PREX1: variants seen among roughly 807,000 people sequenced by gnomAD.
PREX1 encodes the protein phosphatidylinositol-3,4,5-trisphosphate dependent Rac exchange factor 1.
A neutral mutation model predicts 198.3 loss-of-function variants in PREX1; 41 were observed. The ratio of observed to expected loss-of-function variants is 0.21; its 90% CI spans 0.16 to 0.27. The LOEUF is 0.27. PREX1 is among the 10% of genes least tolerant of loss of function. The pLI is 1.00. For synonymous variants in PREX1, 843 were observed against 887.2 expected (o/e 0.95, Z 0.89); for missense variants, 1,620 against 2,200.7 (o/e 0.74, Z 5.28).
At chr20:48,634,858 AG>A (rs2089350062) in intron 32 of PREX1, 83 bp from the exon 33 acceptor site, 1 of 1,226,554 alleles carries the variant, frequency 8.2e-7, no homozygotes, top group Admixed American at 1.8e-5. Flanking sequence ...ATTCAACTCT[AG>A]TCGGCACTCC....
intron 1 of PREX1, among the ~76,000 whole-genome samples, chr20:48,803,984 G>A (rs1213442950): frequency 6.6e-6 from 1 of 152,202 alleles, no homozygotes; most frequent in African/African-American, 2.4e-5. Flanking sequence ...TGATACAGCT[G>A]TTACAGCACC....
intron 1 of PREX1, among the ~76,000 whole-genome samples, chr20:48,812,290 G>A (rs2090439704): frequency 6.6e-6 from 1 of 151,052 alleles, no homozygotes; most frequent in Non-Finnish European, 1.5e-5. Flanking sequence ...TAACATAAGA[G>A]GAATGGGTAA....
chr20:48,700,315 G>A (rs893031244), intron 7 of PREX1, among the ~76,000 whole-genome samples: 9 of 152,268 alleles, frequency 5.9e-5, no homozygotes, highest in East Asian at 3.9e-4. Context: ...TGGTAGCCAC[G>A]AGCCACAGGT....
intron 3 of PREX1, among the ~76,000 whole-genome samples, chr20:48,741,013 T>A (rs1022785593): frequency 7.0e-6 from 1 of 143,690 alleles, no homozygotes; most frequent in South Asian, 2.3e-4. Context: ...AGTGAATCAA[T>A]TTTTTTTTTT....
At chr20:48,694,861 A>C (rs1262646057) in intron 7 of PREX1, among the ~76,000 whole-genome samples, 1 of 151,710 alleles carries the variant, frequency 6.6e-6, no homozygotes, top group Non-Finnish European at 1.5e-5. Flanking sequence ...GTTTCAAGAG[A>C]CTCCCTGTGT....
rs6095297 is a variant in PREX1, at chr20:48,792,115, A to G, written c.219+35527T>C. On this transcript the variant is annotated intron_variant, in intron 1 of 39. Coordinates refer to ENST00000371941, the MANE Select transcript of PREX1 (RefSeq NM_020820.4). ...GTCTGGCACCCAGCAAGCACTCAATAAATGTTAAATAGCACTGCTGTCTCC... is the reference window on the plus strand; with the variant it reads ...GTCTGGCACCCAGCAAGCACTCAATGAATGTTAAATAGCACTGCTGTCTCC... 4.0e-3 allele frequency among the ~76,000 whole-genome samples: 605 copies of G among 152,280 alleles called. 2 individuals are homozygous for G. The highest frequency in any genetic ancestry group is 0.017 in the Middle Eastern group (5 of 294).
At chr20:48,882,394 C>T in the PREX1 span, among the ~76,000 whole-genome samples, 1 of 144,326 alleles carries the variant, frequency 6.9e-6, no homozygotes, top group Non-Finnish European at 1.5e-5. Flanking sequence ...CCCAGCTACT[C>T]GGGAGGTTGA....
At position 48,708,411 on chromosome 20, in the gene PREX1, T is replaced by C. The variant is rs772697635; in HGVS notation, c.632A>G (p.Lys211Arg). The C allele has an allele frequency of 1.3e-5, 21 of 1,614,124 alleles. No homozygotes were observed. Among genetic ancestry groups the C allele is most frequent in the Non-Finnish European group, 1.7e-5 (20 of 1,180,012 alleles). Reference protein sequence around the residue: ...KYPLLLKELAKRTPGKHPDHP... With the variant: ...KYPLLLKELARRTPGKHPDHP... ...GTCTGGGTGCTTGCCGGGAGTCCTCTTGGCCAGCTCCTGGGGTAGAATAGA... is the reference window on the plus strand; with the variant it reads ...GTCTGGGTGCTTGCCGGGAGTCCTCCTGGCCAGCTCCTGGGGTAGAATAGA... Residue 211 changes from lysine to arginine, a missense_variant, in exon 6 of 40, where the codon AAG becomes AGG. Coordinates refer to ENST00000371941, the MANE Select transcript of PREX1 (RefSeq NM_020820.4).
intron 21 of PREX1, among the ~76,000 whole-genome samples, chr20:48,652,250 T>C (rs540048344): frequency 1.1e-3 from 163 of 151,024 alleles, no homozygotes; most frequent in Middle Eastern, 0.01. Context: ...CTGGGCAACA[T>C]AGGGAGACCT....
At chr20:48,750,317 C>T (rs1324002734) in intron 1 of PREX1, among the ~76,000 whole-genome samples, 1 of 152,122 alleles carries the variant, frequency 6.6e-6, no homozygotes, top group Non-Finnish European at 1.5e-5. Context: ...AAAGTCTGTT[C>T]TCTACACACA....
At position 48,636,642 on chromosome 20, in the gene PREX1, C is replaced by A. The variant is rs2089367101; in HGVS notation, c.3988G>T (p.Ala1330Ser). 1 of 1,610,982 alleles carries A rather than the reference C, an allele frequency of 6.2e-7. No homozygotes were observed. The change falls in exon 32 of 40, where the codon GCC becomes TCC. Residue 1330 changes from alanine to serine, a missense_variant. This residue lies in a region of PREX1 where 476 missense variants were observed against 603.4 expected (regional missense o/e 0.79). Coordinates refer to ENST00000371941, the MANE Select transcript of PREX1 (RefSeq NM_020820.4). ...AAGGTGCACACGGCGGCCACCAGGG[C>A]CTGGCAGAAGATCGCGTCTCTGCGC... ...QLRRDAIFCQ[A>S]LVAAVCTFSK... is the part of the protein sequence containing the mutation.
At chr20:48,665,975 C>T (rs1053457326) in intron 15 of PREX1, among the ~76,000 whole-genome samples, 10 of 152,240 alleles carry the variant, frequency 6.6e-5, no homozygotes, top group Admixed American at 1.3e-4. Context: ...CCAGGCCTGC[C>T]TCATCTGGCC....
At chr20:48,674,088 TG>T (rs2089693576) in intron 14 of PREX1, among the ~76,000 whole-genome samples, 1 of 152,208 alleles carries the variant, frequency 6.6e-6, no homozygotes, top group African/African-American at 2.4e-5. Context: ...TCACGAGGGC[TG>T]GGGAGTGTGG....
At chr20:48,704,064 C>T (rs1223100848) in intron 6 of PREX1, among the ~76,000 whole-genome samples, 5 of 152,236 alleles carry the variant, frequency 3.3e-5, no homozygotes, top group Admixed American at 2.0e-4. Flanking sequence ...CCACATGCCA[C>T]GCACTGTTCT....
intron 1 of PREX1, among the ~76,000 whole-genome samples, chr20:48,807,306 G>GT (rs145707616): frequency 1.1e-3 from 166 of 150,942 alleles, no homozygotes; most frequent in Non-Finnish European, 1.7e-3. Context: ...CCTTTTTTGT[G>GT]TTTTTTTTTC....
chr20:48,819,946 C>T (rs541159511), intron 1 of PREX1, among the ~76,000 whole-genome samples: 5 of 152,340 alleles, frequency 3.3e-5, no homozygotes, highest in Admixed American at 2.0e-4. Flanking sequence ...ACCCACCCTC[C>T]CAGCAAGGGG....
chr20:48,851,235 G>A, the PREX1 span, among the ~76,000 whole-genome samples: 2 of 152,172 alleles, frequency 1.3e-5, no homozygotes, highest in African/African-American at 2.4e-5. Flanking sequence ...GGCCGGGCAT[G>A]GTGGTTCACG....
intron 1 of PREX1, among the ~76,000 whole-genome samples, chr20:48,820,797 G>C (rs533513572): frequency 6.6e-6 from 1 of 152,320 alleles, no homozygotes; most frequent in East Asian, 1.9e-4. Flanking sequence ...CACCCCCACA[G>C]CAAAGAATGG....
chr20:48,869,739 C>T, the PREX1 span, among the ~76,000 whole-genome samples: 1 of 152,152 alleles, frequency 6.6e-6, no homozygotes, highest in Non-Finnish European at 1.5e-5. Context: ...CAAAGTAACA[C>T]AGGAACAGAA....
Sources: gnomAD v4.1 joint callset for allele counts (sites outside exome capture counted in the v4.1 genomes callset) on GRCh38, gnomAD v4.1.1 for gene constraint, gnomAD v4.1.1 regional missense constraint, MANE v1.5 for transcripts, NCBI Gene and HGNC (gene_info 2026-07-23, HGNC 2026-07-21) for gene names.